The following RANBP2 variants were observed in gnomAD, a reference collection of about 807,000 sequenced individuals.
The protein encoded by RANBP2 is E3 SUMO-protein ligase RanBP2.
In RANBP2, 57 loss-of-function variants were observed where a neutral mutation model predicts 303.6. The observed-to-expected ratio is 0.19, with a 90% CI of 0.15 to 0.23. The LOEUF is 0.23. Ranked by LOEUF, RANBP2 falls within the 10% of genes least tolerant of loss-of-function variation. The pLI is 1.00. For missense variants in RANBP2, 3,138 were observed against 3,780.8 expected (o/e 0.83, Z 4.46); for synonymous variants, 1,167 against 1,301.5 (o/e 0.90, Z 2.23).
At chr2:109,358,685 C>G in the RANBP2 span, among the ~76,000 whole-genome samples, 1 of 152,184 alleles carries the variant, frequency 6.6e-6, no homozygotes, top group Non-Finnish European at 1.5e-5. Flanking sequence ...GCATAATAAT[C>G]CTTTATCATA....
the RANBP2 span, among the ~76,000 whole-genome samples, chr2:109,019,581 G>A: frequency 2.6e-5 from 4 of 152,176 alleles, no homozygotes; most frequent in African/African-American, 7.2e-5. Flanking sequence ...AAGAACACCC[G>A]ACATGGGTGA....
chr2:109,608,725 A>G, the RANBP2 span, among the ~76,000 whole-genome samples: 1 of 152,260 alleles, frequency 6.6e-6, no homozygotes, highest in Non-Finnish European at 1.5e-5. Context: ...TATGAGATAC[A>G]TGATTCCTCC....
the RANBP2 span, among the ~76,000 whole-genome samples, chr2:109,686,328 T>A: frequency 1.2e-4 from 18 of 152,294 alleles, no homozygotes; most frequent in South Asian, 3.7e-3. Context: ...ACTTTTTTTT[T>A]CTTTGAGACG....
chr2:108,850,632 T>C, the RANBP2 span, among the ~76,000 whole-genome samples: 1 of 151,970 alleles, frequency 6.6e-6, no homozygotes, highest in Non-Finnish European at 1.5e-5. Context: ...TTTCTATCTT[T>C]AGTAGACACG....
chr2:109,133,341 G>A, the RANBP2 span, among the ~76,000 whole-genome samples: 1 of 152,176 alleles, frequency 6.6e-6, no homozygotes, highest in Non-Finnish European at 1.5e-5. Flanking sequence ...TCTCTTCTGT[G>A]TCTCTTTGAC....
the RANBP2 span, among the ~76,000 whole-genome samples, chr2:109,524,780 T>A: frequency 6.6e-6 from 1 of 151,776 alleles, no homozygotes; most frequent in Admixed American, 6.6e-5. Flanking sequence ...AAATTAAAAT[T>A]AAAAAATCTA....
At chr2:109,201,514 C>CT in the RANBP2 span, among the ~76,000 whole-genome samples, 1 of 152,318 alleles carries the variant, frequency 6.6e-6, no homozygotes, top group East Asian at 1.9e-4. Flanking sequence ...GCCACCCTTG[C>CT]TGTCTCCTGC....
the RANBP2 span, among the ~76,000 whole-genome samples, chr2:109,326,734 T>C: frequency 8.5e-5 from 13 of 152,232 alleles, no homozygotes; most frequent in Non-Finnish European, 1.9e-4. Flanking sequence ...TTACCTGGTG[T>C]TTACTGCCAC....
At chr2:108,819,071 C>G in the RANBP2 span, among the ~76,000 whole-genome samples, 5 of 152,176 alleles carry the variant, frequency 3.3e-5, no homozygotes, top group Non-Finnish European at 5.9e-5. Context: ...GGCTATAAGA[C>G]TAACGTCATC....
chr2:109,366,012 A>T, the RANBP2 span, among the ~76,000 whole-genome samples: 1 of 152,242 alleles, frequency 6.6e-6, no homozygotes, highest in Non-Finnish European at 1.5e-5. Flanking sequence ...TCTGGCATAT[A>T]AGACAATTCT....
chr2:109,542,034 G>A, the RANBP2 span, among the ~76,000 whole-genome samples: 1 of 152,192 alleles, frequency 6.6e-6, no homozygotes, highest in Admixed American at 6.5e-5. Context: ...AAAAGTCGGA[G>A]GGAGTACGTA....
At chr2:109,548,194 A>T in the RANBP2 span, among the ~76,000 whole-genome samples, 3 of 150,952 alleles carry the variant, frequency 2.0e-5, no homozygotes, top group Non-Finnish European at 4.4e-5. Flanking sequence ...AAAAAAAACT[A>T]GGGTCTTAAG....
At position 108,764,488 on chromosome 2, in the gene RANBP2, A is replaced by C. The variant is rs771880842; in HGVS notation, c.3949A>C (p.Asn1317His). 2 of 1,614,066 alleles carry C rather than the reference A, an allele frequency of 1.2e-6. No homozygotes were observed. The highest frequency in any genetic ancestry group is 3.3e-5 in the Admixed American group (2 of 60,018). Residue 1317 changes from asparagine to histidine, a missense_variant, in exon 20 of 29, where the codon AAT (asparagine) becomes CAT (histidine). Asn to His is a moderately conservative substitution (Grantham distance 68, BLOSUM62 1). Transcript: ENST00000283195. The stretch of plus-strand genomic sequence containing the variant: ...AGGAACAAATGTAGCCATGGCGTCA[A>C]ATCAGGCTGTCAGAATTGTAAAAGA... ...APGTNVAMAS[N>H]QAVRIVKEPT...
intron 7 of RANBP2, among the ~76,000 whole-genome samples, chr2:108,743,729 A>T (rs555260343): frequency 1.3e-5 from 2 of 152,338 alleles, no homozygotes; most frequent in African/African-American, 4.8e-5. Context: ...CTCTGCTTTT[A>T]AAAAATATTG....
intron 4 of RANBP2, among the ~76,000 whole-genome samples, chr2:108,734,132 T>C (rs934341505): frequency 1.3e-5 from 2 of 151,264 alleles, no homozygotes; most frequent in African/African-American, 2.4e-5. Context: ...AGAGGAGAAA[T>C]TGATAAAGGA....
the RANBP2 span, among the ~76,000 whole-genome samples, chr2:108,876,799 A>G: frequency 6.6e-6 from 1 of 152,150 alleles, no homozygotes; most frequent in Non-Finnish European, 1.5e-5. Context: ...TTGTTTTCAA[A>G]ATAATTATTA....
chr2:109,100,194 G>A, the RANBP2 span, among the ~76,000 whole-genome samples: 16 of 152,186 alleles, frequency 1.1e-4, no homozygotes, highest in Non-Finnish European at 1.9e-4. Context: ...TGAGGCATGG[G>A]CCAGTACCAG....
At chr2:109,345,196 T>C in the RANBP2 span, among the ~76,000 whole-genome samples, 1 of 152,186 alleles carries the variant, frequency 6.6e-6, no homozygotes, top group Non-Finnish European at 1.5e-5. Context: ...CCTGCCACAC[T>C]ACCTAAGTTG....
At chr2:109,544,602 TA>T in the RANBP2 span, 1 of 964,402 alleles carries the variant, frequency 1.0e-6, no homozygotes, top group Non-Finnish European at 1.2e-6. Context: ...ATCTTTCATA[TA>T]GGGGAAAAAA....
Sources: gnomAD v4.1 joint callset for allele counts (sites outside exome capture counted in the v4.1 genomes callset) on GRCh38, gnomAD v4.1.1 for gene constraint, MANE v1.5 for transcripts, NCBI Gene and HGNC (gene_info 2026-07-23, HGNC 2026-07-21) for gene names.